The following SLC7A14 variants were observed in gnomAD, a reference collection of about 807,000 sequenced individuals.
SLC7A14 encodes the protein gamma-aminobutyric acid transporter SLC7A14.
In SLC7A14, 37 loss-of-function variants were observed where a neutral mutation model predicts 60.2. The observed-to-expected ratio is 0.61, with a 90% CI of 0.47 to 0.81. The LOEUF (loss-of-function observed/expected upper bound fraction) is 0.81. Among genes scored for constraint, SLC7A14 ranks in the 30% least tolerant of loss-of-function variants. The probability of loss-of-function intolerance (pLI) is 0.00; values close to 1 mark genes in which losing one functional copy is unlikely to be tolerated. For missense variants in SLC7A14, 886 were observed against 982.7 expected (o/e 0.90, Z 1.32); for synonymous variants, 399 against 395.8 (o/e 1.01, Z -0.10).
At chr3:170,579,243 C>A (rs966533249) in intron 1 of SLC7A14, among the ~76,000 whole-genome samples, 2 of 152,170 alleles carry the variant, frequency 1.3e-5, no homozygotes, top group Admixed American at 6.5e-5. Flanking sequence ...GTGTTCCCAG[C>A]ATCAATTTCT....
intron 7 of SLC7A14, among the ~76,000 whole-genome samples, chr3:170,468,492 C>T (rs1739789134): frequency 6.6e-6 from 1 of 152,110 alleles, no homozygotes; most frequent in Non-Finnish European, 1.5e-5. Context: ...GATGGAGTTT[C>T]ACCATGTTGC....
At chr3:170,520,877 G>A (rs931394404) in intron 2 of SLC7A14, among the ~76,000 whole-genome samples, 17 of 152,182 alleles carry the variant, frequency 1.1e-4, no homozygotes, top group Non-Finnish European at 2.4e-4. Context: ...TCACTGGCAC[G>A]ATGGCTTTGC....
At chr3:170,577,029 A>G (rs1257215174) in intron 1 of SLC7A14, among the ~76,000 whole-genome samples, 1 of 152,218 alleles carries the variant, frequency 6.6e-6, no homozygotes, top group Non-Finnish European at 1.5e-5. Context: ...AGAATTGGGT[A>G]TCAACAGCTT....
At chr3:170,582,667 A>G (rs1715268291) in intron 1 of SLC7A14, among the ~76,000 whole-genome samples, 1 of 152,226 alleles carries the variant, frequency 6.6e-6, no homozygotes, top group Admixed American at 6.5e-5. Flanking sequence ...GACATTATCA[A>G]TAAGAAGCCA....
At chr3:170,495,770 G>C in intron 4 of SLC7A14, 1 of 1,169,644 alleles carries the variant, frequency 8.5e-7, no homozygotes, top group Non-Finnish European at 1.3e-6. Context: ...ACAAGGTACG[G>C]TTCCTGCAGC....
chr3:170,545,921 T>G lies in SLC7A14; in HGVS notation c.-152-18833A>C, dbSNP rs545508522. On this transcript the variant is annotated intron_variant, in intron 1 of 7. Transcript: ENST00000231706. ...GTGGCCAGCAGCCTCCCAAAAACTG[T>G]TAACATTTTATGGAGTTGCCTTCCT... is the stretch of plus-strand genomic sequence containing the variant. Among the ~76,000 whole-genome samples, 5 of 152,352 alleles carry G rather than the reference T, an allele frequency of 3.3e-5. No individual in the cohort carries two copies. The East Asian group carries it at 9.6e-4, about 29-fold the overall frequency.
rs1430797646 is a variant in SLC7A14 at position 170,480,865 on chromosome 3, ACT to A, written c.1415_1416del (p.Glu472ValfsTer21). 3 of 1,613,620 alleles carry A rather than the reference ACT, an allele frequency of 1.9e-6. No individual in the cohort carries two copies. The African/African-American group carries it at 4.0e-5, about 22-fold the overall frequency. ...CATGTGTTGGTGGCTGGGCCAGAAA[ACT>A]CATCCCCCTCACTCACAGGAGAACA... Reference protein sequence around the residue: ...EACSPVSEGDEFSGPATNTCG... With the variant: ...EACSPVSEGDXFSGPATNTCG... On this transcript the variant is annotated frameshift_variant, in exon 7 of 8. Transcript: ENST00000231706. LOFTEE classifies it high-confidence loss of function.
At chr3:170,486,647 G>C (rs1439050517) in intron 4 of SLC7A14, among the ~76,000 whole-genome samples, 1 of 152,108 alleles carries the variant, frequency 6.6e-6, no homozygotes, top group African/African-American at 2.4e-5. Context: ...GCCGATGGGG[G>C]TGGATCACGA....
Position 170,480,732 on chromosome 3 carries a change from G to T in SLC7A14, c.1550C>A (p.Thr517Asn), listed in dbSNP as rs1299451177. The stretch of plus-strand genomic sequence containing the variant: ...GGATTCATCAGCTTCTATGCCTGTG[G>T]TCATGTCCACGGTGCCGTAATTGGG... ...NHPNYGTVDM[T>N]TGIEADESEN... Residue 517 changes from threonine to asparagine, a missense_variant, in exon 7 of 8, where the codon ACC becomes AAC. Physicochemically the swap from Thr to Asn is moderately conservative, Grantham distance 65. Coordinates refer to ENST00000231706, the MANE Select transcript of SLC7A14 (RefSeq NM_020949.3). 1 of 1,614,178 alleles carries T rather than the reference G, an allele frequency of 6.2e-7. No individual in the cohort carries two copies. The highest frequency in any genetic ancestry group is 8.5e-7 in the Non-Finnish European group (1 of 1,180,032).
rs1712484969 is a variant in SLC7A14 at position 170,498,578 on chromosome 3, A to G, written c.759+89T>C. On this transcript the variant is annotated intron_variant, in intron 4 of 7. Transcript: ENST00000231706. ...TGCTGTGGTAATTATGGAACAGAAC[A>G]GCATTTTCTTGAAAATATGTCTTAG... 2.5e-6 allele frequency: 3 copies of G among 1,182,974 alleles called. No individual in the cohort carries two copies. In the South Asian group the frequency reaches 4.2e-5, roughly 16 times the overall value. The allele number at this position is 1,182,974 out of a possible 1,614,324, so 73.3% of individuals were successfully genotyped here.
chr3:170,465,660 C>T lies in SLC7A14; in HGVS notation c.*1395G>A, dbSNP rs893736976. ...ATCCTCACAGAGATTTTATTAATAG[C>T]TTGATTAATTTTAATAGCTTGGTTA... On this transcript the variant is annotated 3_prime_UTR_variant, in exon 8 of 8. Transcript: ENST00000231706. 6.6e-6 allele frequency: 1 copy of T among 152,160 alleles called. No homozygotes were observed. Among genetic ancestry groups the T allele is most frequent in the African/African-American group, 2.4e-5 (1 of 41,436 alleles). The allele number at this position is 152,160 out of a possible 1,614,324, so 9.4% of individuals were successfully genotyped here.
intron 1 of SLC7A14, among the ~76,000 whole-genome samples, chr3:170,542,936 A>G (rs1041304327): frequency 6.6e-6 from 1 of 152,180 alleles, no homozygotes; most frequent in African/African-American, 2.4e-5. Context: ...CCAGTTTGCC[A>G]TGATGCCTAG....
At chr3:170,510,321 C>T (rs189212420) in intron 2 of SLC7A14, among the ~76,000 whole-genome samples, 123 of 145,232 alleles carry the variant, frequency 8.5e-4, no homozygotes, top group African/African-American at 2.9e-3. Flanking sequence ...ACCTAGGAGG[C>T]GGAGGTTGCA....
chr3:170,524,212 T>C (rs1271028085), intron 2 of SLC7A14, among the ~76,000 whole-genome samples: 1 of 152,202 alleles, frequency 6.6e-6, no homozygotes, highest in East Asian at 1.9e-4. Context: ...AACAAACACA[T>C]AGGCCCTCCA....
chr3:170,551,746 T>A (rs1714357996), intron 1 of SLC7A14, among the ~76,000 whole-genome samples: 1 of 152,210 alleles, frequency 6.6e-6, no homozygotes, highest in Non-Finnish European at 1.5e-5. Flanking sequence ...TTTCTCTTTT[T>A]ATTGTTGAGT....
chr3:170,518,876 G>A (rs1210080998), intron 2 of SLC7A14, among the ~76,000 whole-genome samples: 1 of 152,152 alleles, frequency 6.6e-6, no homozygotes, highest in Non-Finnish European at 1.5e-5. Context: ...GAGAGGGTTG[G>A]TGGATGTTCC....
intron 1 of SLC7A14, among the ~76,000 whole-genome samples, chr3:170,557,307 G>A (rs987025489): frequency 1.3e-5 from 2 of 151,932 alleles, no homozygotes; most frequent in Admixed American, 6.6e-5. Context: ...AAACCTCACA[G>A]CAATGGGCAG....
chr3:170,461,397 A>G lies in SLC7A14; in HGVS notation c.*5658T>C, dbSNP rs557684680. The G allele has an allele frequency of 2.6e-5, 4 of 152,354 alleles. No homozygotes were observed. The highest frequency in any genetic ancestry group is 3.4e-3 in the Middle Eastern group (1 of 294). The allele number at this position is 152,354 out of a possible 1,614,324, so 9.4% of individuals were successfully genotyped here. A position where few individuals can be genotyped will look rare whatever the true frequency, so the allele number is the denominator to read the frequency against. On this transcript the variant is annotated 3_prime_UTR_variant, in exon 8 of 8. Transcript: ENST00000231706. ...CCTAGCTGTTTCAGAATGATTTCAG[A>G]ATGATGCCTGCATTACTCAAGCAGG...
At chr3:170,518,283 G>GAA (rs1713235273) in intron 2 of SLC7A14, among the ~76,000 whole-genome samples, 1 of 152,190 alleles carries the variant, frequency 6.6e-6, no homozygotes, top group Non-Finnish European at 1.5e-5. Context: ...AGAGTTTTCT[G>GAA]ATTCTACTTT....
Sources: allele counts gnomAD v4.1 joint callset (sites outside exome capture counted in the v4.1 genomes callset), GRCh38; gene constraint gnomAD v4.1.1; transcripts MANE v1.5; gene names NCBI Gene and HGNC (gene_info 2026-07-23, HGNC 2026-07-21).